TBCA: variants seen among roughly 807,000 people sequenced by gnomAD.
The protein encoded by TBCA is tubulin folding cofactor A, also known as tubulin-specific chaperone A.
A neutral mutation model predicts 15.8 loss-of-function variants in TBCA; 6 were observed. The ratio of observed to expected loss-of-function variants is 0.38; its 90% CI spans 0.21 to 0.75. The LOEUF is 0.75. TBCA is among the 30% of genes least tolerant of loss of function. The probability of loss-of-function intolerance (pLI) is 0.46; values close to 1 mark genes in which losing one functional copy is unlikely to be tolerated. For missense variants in TBCA, 90 were observed against 131.2 expected (o/e 0.69, Z 1.53); for synonymous variants, 32 against 42.3 (o/e 0.76, Z 0.94).
chr5:77,692,794 A>G (rs17182751), intron 3 of TBCA: 110,352 of 1,028,484 alleles, frequency 0.11, 6,452 homozygotes, highest in Middle Eastern at 0.14. Context: ...CCAAGTTAGT[A>G]TGAGGGGACT....
chr5:77,701,668 T>C (rs753526607), intron 2 of TBCA, among the ~76,000 whole-genome samples: 5 of 133,178 alleles, frequency 3.8e-5, no homozygotes, highest in Non-Finnish European at 7.8e-5. Context: ...AACAAGTGGA[T>C]AAACTGTGGC....
chr5:77,701,654 A>G (rs1746016472), intron 2 of TBCA, among the ~76,000 whole-genome samples: 1 of 142,978 alleles, frequency 7.0e-6, no homozygotes, highest in Non-Finnish European at 1.5e-5. Context: ...AATGTCCATC[A>G]ATCAACAAGT....
At chr5:77,697,213 T>C (rs1376140324) in intron 2 of TBCA, among the ~76,000 whole-genome samples, 1 of 152,292 alleles carries the variant, frequency 6.6e-6, no homozygotes. Context: ...AGTAAAGGTA[T>C]AAAAGAACTG....
intron 1 of TBCA, among the ~76,000 whole-genome samples, chr5:77,731,461 A>G (rs189548057): frequency 6.6e-6 from 1 of 152,344 alleles, no homozygotes; most frequent in Admixed American, 6.5e-5. Context: ...TGAAGTGCTC[A>G]CAACCATGCC....
intron 1 of TBCA, among the ~76,000 whole-genome samples, chr5:77,732,765 C>T (rs1285344926): frequency 1.3e-5 from 2 of 151,990 alleles, no homozygotes; most frequent in Non-Finnish European, 2.9e-5. Context: ...AATTGTTTTA[C>T]GGTCCCACAA....
At chr5:77,730,135 G>A (rs1302089394) in intron 1 of TBCA, among the ~76,000 whole-genome samples, 1 of 152,148 alleles carries the variant, frequency 6.6e-6, no homozygotes, top group Admixed American at 6.5e-5. Flanking sequence ...TGGATTGAAT[G>A]TTACCCAAAA....
intron 1 of TBCA, among the ~76,000 whole-genome samples, chr5:77,733,219 T>C (rs1259916447): frequency 6.6e-6 from 1 of 152,158 alleles, no homozygotes; most frequent in African/African-American, 2.4e-5. Flanking sequence ...AGGCAGAGGT[T>C]GCAGTGAGCC....
chr5:77,714,539 T>G (rs1264092496), intron 1 of TBCA, among the ~76,000 whole-genome samples: 2 of 151,524 alleles, frequency 1.3e-5, no homozygotes, highest in South Asian at 4.2e-4. Flanking sequence ...AGAAAATTCA[T>G]TAACTGACTT....
intron 1 of TBCA, among the ~76,000 whole-genome samples, chr5:77,723,823 G>C (rs919457760): frequency 2.0e-5 from 3 of 152,002 alleles, no homozygotes; most frequent in African/African-American, 7.2e-5. Flanking sequence ...AGAAACTAGA[G>C]AATATGATTT....
intron 3 of TBCA, chr5:77,692,254 T>C (rs1745767425): frequency 2.0e-6 from 2 of 985,248 alleles, no homozygotes; most frequent in Non-Finnish European, 2.4e-6. Flanking sequence ...TGTGTGTATT[T>C]AATATGAAAA....
chr5:77,738,022 C>A (rs1253995752), intron 1 of TBCA, among the ~76,000 whole-genome samples: 1 of 152,180 alleles, frequency 6.6e-6, no homozygotes, highest in Non-Finnish European at 1.5e-5. Flanking sequence ...AAGAAAACCC[C>A]ATATATCTCA....
At chr5:77,726,032 A>AT (rs1746624838) in intron 1 of TBCA, among the ~76,000 whole-genome samples, 1 of 152,240 alleles carries the variant, frequency 6.6e-6, no homozygotes, top group Non-Finnish European at 1.5e-5. Flanking sequence ...GGAAAAAAGA[A>AT]TTAGACTCGA....
intron 1 of TBCA, among the ~76,000 whole-genome samples, chr5:77,750,808 G>A (rs895880945): frequency 6.6e-6 from 1 of 152,162 alleles, no homozygotes; most frequent in African/African-American, 2.4e-5. Flanking sequence ...GTACGTTTTA[G>A]GGAGACATAA....
At chr5:77,738,023 A>C (rs557833710) in intron 1 of TBCA, among the ~76,000 whole-genome samples, 1 of 152,342 alleles carries the variant, frequency 6.6e-6, no homozygotes, top group South Asian at 2.1e-4. Context: ...AGAAAACCCC[A>C]TATATCTCAG....
chr5:77,764,168 T>C (rs1747720345), intron 1 of TBCA, among the ~76,000 whole-genome samples: 1 of 152,124 alleles, frequency 6.6e-6, no homozygotes, highest in South Asian at 2.1e-4. Context: ...AAATGACACG[T>C]TTTAGCAATA....
At chr5:77,769,418 AT>A (rs1247426266) in intron 1 of TBCA, among the ~76,000 whole-genome samples, 1 of 152,246 alleles carries the variant, frequency 6.6e-6, no homozygotes, top group Non-Finnish European at 1.5e-5. Context: ...ATTGCTTTAA[AT>A]ATAAGTATAT....
chr5:77,704,793 A>T (rs1051928985), intron 2 of TBCA, among the ~76,000 whole-genome samples: 22 of 152,222 alleles, frequency 1.4e-4, no homozygotes, highest in African/African-American at 5.3e-4. Context: ...GCAATTGACA[A>T]CTATATACAT....
chr5:77,760,197 G>A (rs1032361529), intron 1 of TBCA, among the ~76,000 whole-genome samples: 2 of 152,136 alleles, frequency 1.3e-5, no homozygotes, highest in African/African-American at 4.8e-5. Context: ...TGAAATGGAG[G>A]GAAACTGAAA....
At chr5:77,724,224 T>C (rs1456037082) in intron 1 of TBCA, among the ~76,000 whole-genome samples, 1 of 152,076 alleles carries the variant, frequency 6.6e-6, no homozygotes, top group Admixed American at 6.6e-5. Context: ...GTAAGATATA[T>C]ATCTGTCATA....
Sources: gnomAD v4.1 joint callset for allele counts (sites outside exome capture counted in the v4.1 genomes callset) on GRCh38, gnomAD v4.1.1 for gene constraint, MANE v1.5 for transcripts, NCBI Gene and HGNC (gene_info 2026-07-23, HGNC 2026-07-21) for gene names.